The following PTPRD variants were observed in gnomAD, a reference collection of about 807,000 sequenced individuals.
The protein encoded by PTPRD is protein tyrosine phosphatase receptor type D.
Under a neutral mutation model 214.5 loss-of-function variants are expected in PTPRD, and 34 were observed. The ratio of observed to expected loss-of-function variants is 0.16; its 90% CI spans 0.12 to 0.21. The LOEUF (loss-of-function observed/expected upper bound fraction) is 0.21, where lower values mean the gene tolerates loss of function less well. Among genes scored for constraint, PTPRD ranks in the 10% least tolerant of loss-of-function variants. PTPRD has a pLI of 1.00. For synonymous variants in PTPRD, 1,128 were observed against 845.7 expected, an observed-to-expected ratio of 1.33 and a Z score of -5.79; for missense variants, 2,545 against 2,398.7, an observed-to-expected ratio of 1.06 and a Z score of -1.27.
In PTPRD at chr9:10,319,640, T is replaced by C. The variant is rs1286538015; in HGVS notation, c.-545+21323A>G. ...ATTTTTTTAAATAACGGAATGGATATACAGGATTGAAAATGAATGATGATG... is the reference window on the plus strand; with the variant it reads ...ATTTTTTTAAATAACGGAATGGATACACAGGATTGAAAATGAATGATGATG... On this transcript the variant is annotated intron_variant, in intron 3 of 45. Coordinates refer to ENST00000381196, the MANE Select transcript of PTPRD (RefSeq NM_002839.4). Among the ~76,000 whole-genome samples, 4 of 152,056 alleles carry C rather than the reference T, an allele frequency of 2.6e-5. No individual in the cohort carries two copies. In the East Asian group the frequency reaches 7.7e-4, roughly 29 times the overall value.
chr9:8,695,033 A>C (rs960746383), intron 12 of PTPRD, among the ~76,000 whole-genome samples: 1 of 152,148 alleles, frequency 6.6e-6, no homozygotes, highest in African/African-American at 2.4e-5. Flanking sequence ...TTATTCAGCT[A>C]CTCAATAGCA....
intron 9 of PTPRD, among the ~76,000 whole-genome samples, chr9:9,200,008 T>G (rs2099940932): frequency 6.6e-6 from 1 of 152,148 alleles, no homozygotes; most frequent in Non-Finnish European, 1.5e-5. Context: ...ATTGGTCCAG[T>G]GGTGGCCACA....
At chr9:10,177,635 G>A (rs1346208499) in intron 3 of PTPRD, among the ~76,000 whole-genome samples, 1 of 151,710 alleles carries the variant, frequency 6.6e-6, no homozygotes, top group Non-Finnish European at 1.5e-5. Flanking sequence ...GCTGTCAACG[G>A]GAATGAAATT....
At chr9:8,352,529 C>A (rs1386897227) in intron 39 of PTPRD, among the ~76,000 whole-genome samples, 1 of 152,130 alleles carries the variant, frequency 6.6e-6, no homozygotes, top group Non-Finnish European at 1.5e-5. Context: ...CCAAGTAAAG[C>A]TGCGTGGGTT....
At chr9:9,342,842 T>C (rs1255514304) in intron 9 of PTPRD, among the ~76,000 whole-genome samples, 1 of 152,120 alleles carries the variant, frequency 6.6e-6, no homozygotes, top group Non-Finnish European at 1.5e-5. Context: ...GCATTTCTTC[T>C]AATGCTATCC....
At chr9:8,448,299 G>T (rs1217596383) in intron 34 of PTPRD, among the ~76,000 whole-genome samples, 4 of 152,170 alleles carry the variant, frequency 2.6e-5, no homozygotes, top group African/African-American at 9.7e-5. Context: ...CTGCACTCCA[G>T]CCTGGACAAT....
intron 3 of PTPRD, among the ~76,000 whole-genome samples, chr9:10,057,263 T>C (rs1030438269): frequency 1.3e-5 from 2 of 152,130 alleles, no homozygotes; most frequent in African/African-American, 4.8e-5. Context: ...AAACTACTGG[T>C]GCACTACTAT....
chr9:10,488,971 T>C (rs574308376), intron 2 of PTPRD, among the ~76,000 whole-genome samples: 3 of 152,244 alleles, frequency 2.0e-5, no homozygotes, highest in Non-Finnish European at 2.9e-5. Context: ...AGCTGGTACC[T>C]AATGTGCAAG....
chr9:10,229,252 C>T (rs749917849), intron 3 of PTPRD, among the ~76,000 whole-genome samples: 61 of 152,014 alleles, frequency 4.0e-4, no homozygotes, highest in South Asian at 8.3e-4. Context: ...ACACTGTTGG[C>T]GGGACTGTAA....
chr9:9,550,419 TAAA>T (rs1402991697), intron 8 of PTPRD, among the ~76,000 whole-genome samples: 2 of 147,390 alleles, frequency 1.4e-5, no homozygotes, highest in Non-Finnish European at 3.0e-5. Context: ...ATTTTATATA[TAAA>T]ATTATATATT....
At chr9:9,428,226 C>T (rs1378215203) in intron 8 of PTPRD, among the ~76,000 whole-genome samples, 1 of 150,618 alleles carries the variant, frequency 6.6e-6, no homozygotes, top group African/African-American at 2.4e-5. Flanking sequence ...ATCTACCAAG[C>T]AAATGGAAAA....
intron 4 of PTPRD, among the ~76,000 whole-genome samples, chr9:9,969,599 G>C (rs1287532366): frequency 6.6e-6 from 1 of 152,172 alleles, no homozygotes; most frequent in African/African-American, 2.4e-5. Context: ...TAAACACAGA[G>C]CACAGAATGA....
intron 9 of PTPRD, among the ~76,000 whole-genome samples, chr9:9,363,228 G>A (rs1168256423): frequency 6.7e-6 from 1 of 148,950 alleles, no homozygotes; most frequent in Non-Finnish European, 1.5e-5. Context: ...AAGGCCACAA[G>A]AGCAATTACT....
chr9:8,849,740 G>A (rs1228965064), intron 11 of PTPRD, among the ~76,000 whole-genome samples: 2 of 152,184 alleles, frequency 1.3e-5, no homozygotes, highest in Admixed American at 6.5e-5. Context: ...CAAGGGCAGA[G>A]TATCACAGGG....
chr9:9,283,211 A>T (rs1043049960), intron 9 of PTPRD, among the ~76,000 whole-genome samples: 1 of 151,562 alleles, frequency 6.6e-6, no homozygotes, highest in African/African-American at 2.4e-5. Context: ...GATGAGGTAC[A>T]AAACTTCACT....
chr9:8,880,002 A>G (rs927117530), intron 11 of PTPRD, among the ~76,000 whole-genome samples: 5 of 152,186 alleles, frequency 3.3e-5, no homozygotes, highest in African/African-American at 1.2e-4. Flanking sequence ...TTCAATTTAA[A>G]CATTTCAACC....
chr9:10,563,759 T>C (rs1252087815), intron 2 of PTPRD, among the ~76,000 whole-genome samples: 4 of 152,054 alleles, frequency 2.6e-5, no homozygotes, highest in Non-Finnish European at 5.9e-5. Context: ...TGTTTTGCTT[T>C]TGAACAAATT....
chr9:10,019,342 G>C (rs540531117), intron 4 of PTPRD, among the ~76,000 whole-genome samples: 44 of 152,250 alleles, frequency 2.9e-4, no homozygotes, highest in South Asian at 6.2e-4. Context: ...CTGTAAACTA[G>C]TTCAACCATT....
intron 8 of PTPRD, among the ~76,000 whole-genome samples, chr9:9,407,063 A>C (rs927452759): frequency 6.6e-6 from 1 of 151,804 alleles, no homozygotes; most frequent in East Asian, 1.9e-4. Flanking sequence ...CTTATTTCAT[A>C]AAATACTGTT....
Sources: allele counts gnomAD v4.1 joint callset (sites outside exome capture counted in the v4.1 genomes callset), GRCh38; gene constraint gnomAD v4.1.1; transcripts MANE v1.5; gene names NCBI Gene and HGNC (gene_info 2026-07-23, HGNC 2026-07-21).